Variants in DLL3 observed in about 807,000 individuals in gnomAD.
The protein encoded by DLL3 is delta like canonical Notch ligand 3, also known as delta-like protein 3.
A neutral mutation model predicts 55.0 loss-of-function variants in DLL3; 49 were observed. The ratio of observed to expected loss-of-function variants is 0.89; its 90% CI spans 0.71 to 1.13. The LOEUF (loss-of-function observed/expected upper bound fraction) is 1.13, where lower values mean the gene tolerates loss of function less well. Among genes scored for constraint, DLL3 ranks in the 50% most tolerant of loss-of-function variants. DLL3 has a pLI of 0.00. For synonymous variants in DLL3, 421 were observed against 385.2 expected, an observed-to-expected ratio of 1.09 and a Z score of -1.09; for missense variants, 962 against 875.5, an observed-to-expected ratio of 1.10 and a Z score of -1.25.
In DLL3 at chr19:39,505,343, G is replaced by A. The variant is rs779062455; in HGVS notation, c.985G>A (p.Gly329Arg). 17 of 1,614,056 alleles carry A rather than the reference G, an allele frequency of 1.1e-5. No individual in the cohort carries two copies. Among genetic ancestry groups the A allele is most frequent in the East Asian group, 4.5e-5 (2 of 44,898 alleles). The change falls in exon 6 of 9, where the codon GGG (glycine) becomes AGG (arginine). Residue 329 changes from glycine (G) to arginine (R), a missense_variant. Coordinates refer to ENST00000356433, the MANE Select transcript of DLL3 (RefSeq NM_203486.3). The part of the protein sequence containing the change: ...GPCFNGGLCV[G>R]GADPDSAYIC... ...CTGCTTCAACGGCGGCTTGTGTGTC[G>A]GGGGTGCAGACCCTGACTCTGCCTA...
rs1419461542 is a variant in DLL3 at position 39,507,255 on chromosome 19, C to T, written c.1310C>T (p.Pro437Leu). Residue 437 changes from proline (P) to leucine (L), a missense_variant, in exon 7 of 9, where the codon CCC becomes CTC. Transcript: ENST00000356433. Reference sequence around the variant, plus strand: ...CGCGCGGACCCGTGCGCCGCGCGCCCCTGTGCTCACGGCGGCCGCTGCTAC... The same window carrying T: ...CGCGCGGACCCGTGCGCCGCGCGCCTCTGTGCTCACGGCGGCCGCTGCTAC... ...RERADPCAAR[P>L]CAHGGRCYAH... 1 of 1,526,806 alleles carries T rather than the reference C, an allele frequency of 6.5e-7. No homozygotes were observed. Among genetic ancestry groups the T allele is most frequent in the South Asian group, 1.2e-5 (1 of 83,388 alleles). 94.6% of individuals were successfully genotyped at this position (1,526,806 alleles called of 1,614,324 possible).
At chr19:39,503,092 C>T (rs764597918) in intron 4 of DLL3, 35 bp downstream of exon 4, 34 of 1,516,344 alleles carry the variant, frequency 2.2e-5, no homozygotes, top group Non-Finnish European at 2.8e-5. Flanking sequence ...CCGTCCCAGC[C>T]GGGGACCCCG....
In DLL3 at chr19:39,507,477, T is replaced by C. The variant is rs543714737; in HGVS notation, c.1532T>C (p.Leu511Ser). ...VAAGVAGAAL[L>S]LVHVRRRGHS... is the part of the protein sequence containing the mutation. ...GCGGGCGTGGCCGGCGCTGCGCTCT[T>C]GCTGGTCCACGTGCGCCGCCGTGGC... Residue 511 changes from leucine to serine, a missense_variant, in exon 7 of 9, where the codon TTG becomes TCG. Physicochemically the swap from Leu to Ser is moderately radical, Grantham distance 145. Coordinates refer to ENST00000356433, the MANE Select transcript of DLL3 (RefSeq NM_203486.3). The C allele has an allele frequency of 6.3e-7, 1 of 1,595,132 alleles. No homozygotes were observed. Among genetic ancestry groups the C allele is most frequent in the Non-Finnish European group, 8.5e-7 (1 of 1,172,130 alleles).
intron 7 of DLL3, 100 bp from the exon 8 acceptor site, chr19:39,507,730 C>T (rs952901883): frequency 3.1e-6 from 5 of 1,601,700 alleles, no homozygotes; most frequent in Non-Finnish European, 4.3e-6. Context: ...TCTCTCTTAC[C>T]CCGGTAGCTG....
Position 39,507,070 on chromosome 19 carries a change from G to GCGCTGC in DLL3, c.1135_1140dup (p.Cys379_Arg380dup), listed in dbSNP as rs1452653525. 9.1e-6 allele frequency: 14 copies of GCGCTGC among 1,541,112 alleles called. No homozygotes were observed. Among genetic ancestry groups the GCGCTGC allele is most frequent in the Admixed American group, 3.8e-5 (2 of 52,636 alleles). The stretch of plus-strand genomic sequence containing the variant: ...TCTGCCTGGACCTGGGCCACGCCCT[G>GCGCTGC]CGCTGCCGCTGCCGCGCCGGCTTCG... On this transcript the variant is annotated inframe_insertion, in exon 7 of 9. Transcript: ENST00000356433.
At position 39,499,335 on chromosome 19, in the gene DLL3, G is replaced by A; in HGVS notation, c.213G>A (p.Glu71=). Residue 71 remains glutamate, a synonymous_variant, in exon 2 of 9, where the codon GAG becomes GAA. Coordinates refer to ENST00000356433, the MANE Select transcript of DLL3 (RefSeq NM_203486.3). ...GCCTGAAGCCTGGGCTCTCAGAGGA[G>A]GCCGCCGAGTCCCCGTGCGCCCTGG... ...RVCLKPGLSE[E]AAESPCALGA... is the part of the protein sequence containing the mutation. The A allele has an allele frequency of 6.5e-7, 1 of 1,549,344 alleles. No homozygotes were observed. The highest frequency in any genetic ancestry group is 8.7e-7 in the Non-Finnish European group (1 of 1,152,602).
chr19:39,500,430 CCCA>C (rs2079603443), intron 2 of DLL3, among the ~76,000 whole-genome samples, 182 bp from the exon 3 acceptor site: 1 of 144,756 alleles, frequency 6.9e-6, no homozygotes, highest in African/African-American at 2.6e-5. Context: ...TCCCCCCCCC[CCCA>C]AAAAAAAGCC....
Position 39,502,945 on chromosome 19 carries a change from G to T in DLL3, c.540G>T (p.Pro180=). Residue 180 remains proline, a synonymous_variant, in exon 4 of 9, where the codon CCG becomes CCT. Coordinates refer to ENST00000356433, the MANE Select transcript of DLL3 (RefSeq NM_203486.3). ...TCTCGTACCGCGCGCGCTGCGAGCC[G>T]CCTGCCGTCGGGACCGCGTGCACGC... is the stretch of plus-strand genomic sequence containing the variant. ...LRFSYRARCE[P]PAVGTACTRL... is the part of the protein sequence containing the mutation. 6 of 1,443,486 alleles carry T rather than the reference G, an allele frequency of 4.2e-6. No homozygotes were observed. Among genetic ancestry groups the T allele is most frequent in the Non-Finnish European group, 5.4e-6 (6 of 1,104,600 alleles). The allele number at this position is 1,443,486 out of a possible 1,614,324, so 89.4% of individuals were successfully genotyped here.
rs777915948 is a variant in DLL3, at chr19:39,499,431, G to A, written c.309G>A (p.Leu103=). The A allele has an allele frequency of 1.4e-5, 23 of 1,590,956 alleles. No individual in the cohort carries two copies. The highest frequency in any genetic ancestry group is 1.7e-5 in the Non-Finnish European group (20 of 1,176,376). ...QPGAPAPDLP[L]PDGLLQVPFR... ...GAGCGCCCGCGCCTGATCTCCCACT[G>A]CCCGACGGCCTCTTGCAGGTGCCCT... Residue 103 remains leucine (L), a synonymous_variant, in exon 2 of 9, where the codon CTG becomes CTA. Coordinates refer to ENST00000356433, the MANE Select transcript of DLL3 (RefSeq NM_203486.3).
At chr19:39,503,916 G>A (rs1012971135) in intron 4 of DLL3, among the ~76,000 whole-genome samples, 155 bp from the exon 5 acceptor site, 5 of 152,112 alleles carry the variant, frequency 3.3e-5, no homozygotes, top group Non-Finnish European at 5.9e-5. Context: ...CTGGGGGGGC[G>A]GTCACAGTAC....
chr19:39,506,823 G>A (rs1213737881), intron 6 of DLL3, among the ~76,000 whole-genome samples: 1 of 152,170 alleles, frequency 6.6e-6, no homozygotes, highest in Non-Finnish European at 1.5e-5. Context: ...AAAGAGACAA[G>A]GGCACCGAGA....
chr19:39,503,326 T>C (rs2079622248), intron 4 of DLL3, among the ~76,000 whole-genome samples: 1 of 152,170 alleles, frequency 6.6e-6, no homozygotes, highest in Non-Finnish European at 1.5e-5. Flanking sequence ...GCCTTGCTAC[T>C]CGAGCCCCCT....
chr19:39,507,967 A>G, intron 8 of DLL3, 53 bp downstream of exon 8: 1 of 1,614,044 alleles, frequency 6.2e-7, no homozygotes, highest in Non-Finnish European at 8.5e-7. Context: ...GGGCAGAGGC[A>G]GCACCTGCTT....
intron 4 of DLL3, 85 bp from the exon 5 acceptor site, chr19:39,503,986 T>C: frequency 7.2e-7 from 1 of 1,396,454 alleles, no homozygotes; most frequent in Non-Finnish European, 1.0e-6. Flanking sequence ...GGGAACGTGC[T>C]CAGAAACCTC....
At chr19:39,500,426 C>A (rs373295236) in intron 2 of DLL3, among the ~76,000 whole-genome samples, 189 bp from the exon 3 acceptor site, 1 of 143,980 alleles carries the variant, frequency 6.9e-6, no homozygotes, top group Admixed American at 6.8e-5. Flanking sequence ...ATTCTCCCCC[C>A]CCCCCCAAAA....
chr19:39,500,431 C>CG (rs1491046622), intron 2 of DLL3, among the ~76,000 whole-genome samples, 184 bp from the exon 3 acceptor site: 3 of 143,742 alleles, frequency 2.1e-5, no homozygotes, highest in Admixed American at 2.1e-4. Context: ...CCCCCCCCCC[C>CG]CAAAAAAAAG....
At chr19:39,508,168 C>T in intron 8 of DLL3, 84 bp from the exon 9 acceptor site, 1 of 1,614,098 alleles carries the variant, frequency 6.2e-7, no homozygotes, top group Non-Finnish European at 8.5e-7. Flanking sequence ...TCCGCCAGAG[C>T]TTTTCCACTG....
At position 39,499,652 on chromosome 19, in the gene DLL3, C is replaced by T. The variant is rs1013482991; in HGVS notation, c.351+179C>T. 2.4e-4 allele frequency among the ~76,000 whole-genome samples: 37 copies of T among 152,182 alleles called. 1 individual carries two copies. The highest frequency in any genetic ancestry group is 8.9e-4 in the African/African-American group (37 of 41,446). On this transcript the variant is annotated intron_variant, in intron 2 of 8. Coordinates refer to ENST00000356433, the MANE Select transcript of DLL3 (RefSeq NM_203486.3). ...CACATTCACAGACCTCTAAACTCTA[C>T]ACACTGGGGATTCTAAATGTTCTGA...
Position 39,508,351 on chromosome 19 carries a change from T to C in DLL3, c.*94T>C. On this transcript the variant is annotated 3_prime_UTR_variant, in exon 9 of 9. Transcript: ENST00000356433. ...CTGCCCCAGAGGCTTTGGAGTTCAATCTTGAAGGGGTGTCTGGGGGAACTT... is the reference window on the plus strand; with the variant it reads ...CTGCCCCAGAGGCTTTGGAGTTCAACCTTGAAGGGGTGTCTGGGGGAACTT... The C allele has an allele frequency of 1.4e-6, 2 of 1,431,052 alleles. No homozygotes were observed. Among genetic ancestry groups the C allele is most frequent in the Non-Finnish European group, 2.0e-6 (2 of 1,016,036 alleles). 88.6% of individuals were successfully genotyped at this position (1,431,052 alleles called of 1,614,324 possible).
Sources: allele counts gnomAD v4.1 joint callset (sites outside exome capture counted in the v4.1 genomes callset), GRCh38; gene constraint gnomAD v4.1.1; transcripts MANE v1.5; gene names NCBI Gene and HGNC (gene_info 2026-07-23, HGNC 2026-07-21).